Variants in TYRO3 observed in about 807,000 individuals in gnomAD.
The protein encoded by TYRO3 is tyrosine-protein kinase receptor TYRO3.
A neutral mutation model predicts 95.2 loss-of-function variants in TYRO3; 38 were observed. The ratio of observed to expected loss-of-function variants is 0.40; its 90% CI spans 0.31 to 0.52. The LOEUF (loss-of-function observed/expected upper bound fraction) is 0.52, where lower values mean the gene tolerates loss of function less well. Ranked by LOEUF, TYRO3 falls within the 20% of genes least tolerant of loss-of-function variation. The pLI, the probability that TYRO3 is intolerant of heterozygous loss-of-function variation, is 0.56. For missense variants in TYRO3, 812 were observed against 1,116.4 expected (o/e 0.73, Z 3.89); for synonymous variants, 367 against 432.9 (o/e 0.85, Z 1.89).
chr15:41,571,832 A>G, intron 14 of TYRO3, 145 bp downstream of exon 14: 1 of 592,756 alleles, frequency 1.7e-6, no homozygotes, highest in Non-Finnish European at 3.0e-6. Flanking sequence ...CCTGGCAGAA[A>G]TCTGAGGTGA....
In TYRO3 at chr15:41,581,596, G is replaced by A. The variant is rs1455044309; in HGVS notation, c.*3320G>A. On this transcript the variant is annotated 3_prime_UTR_variant, in exon 19 of 19. Transcript: ENST00000263798. ...AATCCCAGCACTTTGTGAGGCTGAG[G>A]CGGGTGGATCACCTGAGGTCAGGGG... The A allele has an allele frequency of 1.3e-5, 2 of 152,164 alleles. No homozygotes were observed. Among genetic ancestry groups the A allele is most frequent in the Non-Finnish European group, 2.9e-5 (2 of 68,066 alleles). 9.4% of individuals were successfully genotyped at this position (152,164 alleles called of 1,614,324 possible).
At chr15:41,564,105 G>A (rs1342927662) in intron 4 of TYRO3, 79 bp from the exon 5 acceptor site, 1 of 1,334,854 alleles carries the variant, frequency 7.5e-7, no homozygotes, top group Non-Finnish European at 1.1e-6. Flanking sequence ...TCAGACCAGA[G>A]CCTGAGTATT....
chr15:41,561,090 C>A (rs755261344), intron 1 of TYRO3, 37 bp from the exon 2 acceptor site: 1 of 1,612,712 alleles, frequency 6.2e-7, no homozygotes, highest in South Asian at 1.1e-5. Flanking sequence ...GACAGAGTCC[C>A]TCTCAAGGCT....
intron 18 of TYRO3, chr15:41,577,226 G>C (rs2055870698): frequency 6.6e-6 from 1 of 152,096 alleles, no homozygotes; most frequent in Non-Finnish European, 1.5e-5. Context: ...GTGGTGGGAG[G>C]ATCACTAGAG....
chr15:41,566,826 A>G (rs2055730513), intron 6 of TYRO3, among the ~76,000 whole-genome samples: 2 of 152,230 alleles, frequency 1.3e-5, no homozygotes, highest in South Asian at 4.1e-4. Flanking sequence ...AAACTATTTA[A>G]TAGTTTGTTA....
intron 5 of TYRO3, 136 bp downstream of exon 5, chr15:41,564,406 C>A: frequency 1.3e-6 from 1 of 792,994 alleles, no homozygotes; most frequent in African/African-American, 1.7e-5. Flanking sequence ...GGTTAATTGG[C>A]ATAGCTCCCA....
In TYRO3 at chr15:41,581,827, C is replaced by CAAA. The variant is rs147411360; in HGVS notation, c.*3569_*3571dup. On this transcript the variant is annotated 3_prime_UTR_variant, in exon 19 of 19. Transcript: ENST00000263798. ...TGGGTGACAGAGCGAGACTCCATCT[C>CAAA]AAAAAAAAAAAAAAAAAAAAGAGGC... The CAAA allele has an allele frequency of 9.5e-3, 663 of 69,676 alleles. 21 individuals carry two copies. The highest frequency in any genetic ancestry group is 0.013 in the Non-Finnish European group (504 of 39,868). The allele number at this position is 69,676 out of a possible 1,614,324, so 4.3% of individuals were successfully genotyped here.
rs138212921 is a variant in TYRO3, at chr15:41,573,647, C to T, written c.2146-32C>T. 2,060 of 1,613,346 alleles carry T rather than the reference C, an allele frequency of 1.3e-3. 24 individuals carry two copies. The African/African-American group carries it at 0.024, about 19-fold the overall frequency. ...CTGCCTGGCTCAGGACACCTAGTGA[C>T]AGCTTCTCCCCCAACCTCGATTCTG... On this transcript the variant is annotated intron_variant, in intron 17 of 18. Coordinates refer to ENST00000263798, the MANE Select transcript of TYRO3 (RefSeq NM_006293.4).
Position 41,571,646 on chromosome 15 carries a change from G to T in TYRO3, c.1712G>T (p.Cys571Phe), listed in dbSNP as rs768802416. The change falls in exon 14 of 19, where the codon TGC becomes TTC. Residue 571 changes from cysteine (C) to phenylalanine (F), a missense_variant. Physicochemically the swap from Cys to Phe is radical, Grantham distance 205. Transcript: ENST00000263798. ...GAAGAGTTCCTCAGGGAAGCAGCTT[G>T]CATGAAGGAGTTTGACCATCCACAC... is the stretch of plus-strand genomic sequence containing the variant. ...DIEEFLREAA[C>F]MKEFDHPHVA... is the part of the protein sequence containing the mutation. 10 of 1,613,948 alleles carry T rather than the reference G, an allele frequency of 6.2e-6. No individual in the cohort carries two copies. The highest frequency in any genetic ancestry group is 3.3e-5 in the South Asian group (3 of 91,064).
chr15:41,562,365 A>T, intron 3 of TYRO3, 183 bp from the exon 4 acceptor site: 2 of 381,746 alleles, frequency 5.2e-6, no homozygotes, highest in South Asian at 6.6e-5. Context: ...ATTCCTAAGG[A>T]GCCTGAAAAA....
In TYRO3 at chr15:41,582,652, A is replaced by T. The variant is rs1243804807; in HGVS notation, c.*4376A>T. 6.6e-6 allele frequency: 1 copy of T among 152,150 alleles called. No individual in the cohort carries two copies. The highest frequency in any genetic ancestry group is 2.4e-5 in the African/African-American group (1 of 41,432). The allele number at this position is 152,150 out of a possible 1,614,324, so 9.4% of individuals were successfully genotyped here. A position where few individuals can be genotyped will look rare whatever the true frequency, so the allele number is the denominator to read the frequency against. On this transcript the variant is annotated 3_prime_UTR_variant, in exon 19 of 19. Coordinates refer to ENST00000263798, the MANE Select transcript of TYRO3 (RefSeq NM_006293.4). The stretch of plus-strand genomic sequence containing the variant: ...AGACGAGATTGTGCCATGGCACTCC[A>T]GCCTGGACAAGAGTGAGACTCCATC...
chr15:41,572,338 C>G, intron 14 of TYRO3, 105 bp from the exon 15 acceptor site: 4 of 1,470,820 alleles, frequency 2.7e-6, no homozygotes, highest in Non-Finnish European at 3.7e-6. Flanking sequence ...AAATAAATAG[C>G]AGAGCCAGAG....
intron 18 of TYRO3, among the ~76,000 whole-genome samples, chr15:41,576,288 G>T (rs1048639628): frequency 2.6e-5 from 4 of 151,752 alleles, no homozygotes; most frequent in South Asian, 2.1e-4. Context: ...CCACCTCCTG[G>T]ATTCAAGCGA....
At position 41,559,299 on chromosome 15, in the gene TYRO3, G is replaced by A. The variant is rs1022302698; in HGVS notation, c.42G>A (p.Pro14=). The A allele has an allele frequency of 1.6e-5, 10 of 616,954 alleles. No individual in the cohort carries two copies. The highest frequency in any genetic ancestry group is 6.2e-5 in the African/African-American group (3 of 48,064). 38.2% of individuals were successfully genotyped at this position (616,954 alleles called of 1,614,324 possible). Residue 14 remains proline, a synonymous_variant, in exon 1 of 19, where the codon CCG becomes CCA. Coordinates refer to ENST00000263798, the MANE Select transcript of TYRO3 (RefSeq NM_006293.4). The part of the protein sequence containing the change: ...RRSMGRPGLP[P]LPLPPPPRLG... The stretch of plus-strand genomic sequence containing the variant: ...GCATGGGGCGGCCGGGGCTCCCGCC[G>A]CTGCCGCTGCCGCCGCCACCGCGGC...
chr15:41,566,497 GT>G (rs955480945), intron 6 of TYRO3, among the ~76,000 whole-genome samples: 1 of 152,124 alleles, frequency 6.6e-6, no homozygotes, highest in African/African-American at 2.4e-5. Context: ...TGCCCTAATG[GT>G]TCTGAGTCTG....
rs762873424 is a variant in TYRO3 at position 41,568,299 on chromosome 15, G to A, written c.1044G>A (p.Glu348=). 6.2e-7 allele frequency: 1 copy of A among 1,613,910 alleles called. No homozygotes were observed. The highest frequency in any genetic ancestry group is 1.3e-5 in the African/African-American group (1 of 74,890). ...TGGAGTGGGAAGAAGTGATCCCCGA[G>A]GCCCCTTTGGAAGGCCCCCTGGGAC... The part of the protein sequence containing the change: ...LILEWEEVIP[E]APLEGPLGPY... Residue 348 remains glutamate (E), a synonymous_variant, in exon 8 of 19, where the codon GAG becomes GAA. Transcript: ENST00000263798.
At position 41,567,788 on chromosome 15, in the gene TYRO3, G is replaced by T. The variant is rs140278347; in HGVS notation, c.961+251G>T. On this transcript the variant is annotated intron_variant, in intron 7 of 18. Transcript: ENST00000263798. The stretch of plus-strand genomic sequence containing the variant: ...TGGTTAAGGAAACCCCCCCTAAAAA[G>T]GTCTGAAGGATAAAGATCTGAAGGA... 1.0e-3 allele frequency among the ~76,000 whole-genome samples: 154 copies of T among 152,292 alleles called. 1 individual carries two copies. The highest frequency in any genetic ancestry group is 3.5e-3 in the African/African-American group (146 of 41,554).
In TYRO3 at chr15:41,582,688, AAATAAT is replaced by A. The variant is rs1258149351; in HGVS notation, c.*4420_*4425del. 1 of 152,142 alleles carries A rather than the reference AAATAAT, an allele frequency of 6.6e-6. No homozygotes were observed. The highest frequency in any genetic ancestry group is 2.4e-5 in the African/African-American group (1 of 41,428). 9.4% of individuals were successfully genotyped at this position (152,142 alleles called of 1,614,324 possible). A position where few individuals can be genotyped will look rare whatever the true frequency, so the allele number is the denominator to read the frequency against. On this transcript the variant is annotated 3_prime_UTR_variant, in exon 19 of 19. Coordinates refer to ENST00000263798, the MANE Select transcript of TYRO3 (RefSeq NM_006293.4). ...GAGTGAGACTCCATCTCAAAAAAGA[AAATAAT>A]AATAATATAGTTTATTTTTCAGTAT... is the stretch of plus-strand genomic sequence containing the variant.
intron 7 of TYRO3, 75 bp downstream of exon 7, chr15:41,567,612 A>G: frequency 7.5e-7 from 1 of 1,341,484 alleles, no homozygotes; most frequent in Non-Finnish European, 9.8e-7. Flanking sequence ...GGAGTTCTGA[A>G]TGGTGCTGGT....
Sources: gnomAD v4.1 joint callset for allele counts (sites outside exome capture counted in the v4.1 genomes callset) on GRCh38, gnomAD v4.1.1 for gene constraint, MANE v1.5 for transcripts, NCBI Gene and HGNC (gene_info 2026-07-23, HGNC 2026-07-21) for gene names.